Variants in FBXL17 observed in about 807,000 individuals in gnomAD.
The protein encoded by FBXL17 is F-box and leucine rich repeat protein 17, also known as F-box/LRR-repeat protein 17.
In FBXL17, 22 loss-of-function variants were observed where a neutral mutation model predicts 66.2. The observed-to-expected ratio is 0.33, with a 90% confidence interval of 0.24 to 0.47. The LOEUF is 0.47. Ranked by LOEUF, FBXL17 falls within the 20% of genes least tolerant of loss-of-function variation. The pLI, the probability that FBXL17 is intolerant of heterozygous loss-of-function variation, is 1.00. For synonymous variants in FBXL17, 474 were observed against 400.5 expected (o/e 1.18, Z -2.19); for missense variants, 878 against 948.2 (o/e 0.93, Z 0.97).
At chr5:108,061,096 G>A (rs1044023108) in intron 6 of FBXL17, among the ~76,000 whole-genome samples, 4 of 152,146 alleles carry the variant, frequency 2.6e-5, no homozygotes, top group Admixed American at 2.6e-4. Context: ...AGGCCAGCCT[G>A]ATCAACATGG....
At chr5:108,093,091 C>A (rs192647448) in intron 6 of FBXL17, among the ~76,000 whole-genome samples, 75 of 152,046 alleles carry the variant, frequency 4.9e-4, no homozygotes, top group Non-Finnish European at 1.0e-4. Context: ...ACCACTCTAT[C>A]CCTCCCCCCA....
intron 4 of FBXL17, among the ~76,000 whole-genome samples, chr5:108,251,692 C>T (rs536207797): frequency 1.3e-5 from 2 of 152,146 alleles, no homozygotes; most frequent in East Asian, 3.9e-4. Flanking sequence ...AGACAATTTG[C>T]TACCCTGTTA....
intron 7 of FBXL17, among the ~76,000 whole-genome samples, chr5:107,983,342 C>A (rs1349723378): frequency 1.3e-5 from 2 of 152,086 alleles, no homozygotes; most frequent in Non-Finnish European, 2.9e-5. Flanking sequence ...CAGGCACGCG[C>A]CACTATGCCC....
chr5:108,301,500 A>C (rs536896869), intron 4 of FBXL17, among the ~76,000 whole-genome samples: 1 of 151,754 alleles, frequency 6.6e-6, no homozygotes, highest in Non-Finnish European at 1.5e-5. Flanking sequence ...TCTAATGGGG[A>C]AAAAAAGTAA....
chr5:108,179,740 T>A (rs920429650), intron 6 of FBXL17, among the ~76,000 whole-genome samples: 1 of 152,200 alleles, frequency 6.6e-6, no homozygotes, highest in Admixed American at 6.5e-5. Context: ...TCTGTCTCCG[T>A]CTATAACTTC....
chr5:108,292,276 C>T (rs1175580744), intron 4 of FBXL17, among the ~76,000 whole-genome samples: 5 of 152,030 alleles, frequency 3.3e-5, no homozygotes, highest in Non-Finnish European at 5.9e-5. Context: ...CACACACCAC[C>T]ACGCCCAGCT....
At chr5:108,288,809 GGAGA>G (rs574849521) in intron 4 of FBXL17, among the ~76,000 whole-genome samples, 15 of 151,966 alleles carry the variant, frequency 9.9e-5, no homozygotes, top group African/African-American at 3.1e-4. Flanking sequence ...GACTAAAAAT[GGAGA>G]GAGAGGTATC....
At chr5:108,255,883 C>T (rs1389365821) in intron 4 of FBXL17, among the ~76,000 whole-genome samples, 1 of 152,094 alleles carries the variant, frequency 6.6e-6, no homozygotes. Flanking sequence ...ACCTGGGATT[C>T]GACTTAGGTG....
intron 7 of FBXL17, 120 bp downstream of exon 7, chr5:108,020,805 T>G: frequency 1.5e-6 from 1 of 680,648 alleles, no homozygotes; most frequent in Non-Finnish European, 2.5e-6. Flanking sequence ...ATGGTCACAA[T>G]GAGCATAAGT....
chr5:107,970,611 T>C (rs923714954), intron 7 of FBXL17, among the ~76,000 whole-genome samples: 10 of 152,228 alleles, frequency 6.6e-5, no homozygotes, highest in Non-Finnish European at 1.0e-4. Flanking sequence ...TGCTCCTGCA[T>C]GCATGGCTCT....
chr5:108,381,302 AGCGGCG>A lies in FBXL17; in HGVS notation c.384_389del (p.Ala131_Ala132del), dbSNP rs754351405. 22 of 1,400,854 alleles carry A rather than the reference AGCGGCG, an allele frequency of 1.6e-5. No individual in the cohort carries two copies. In the Admixed American group the frequency reaches 2.8e-4, roughly 18 times the overall value. The allele number at this position is 1,400,854 out of a possible 1,614,324, so 86.8% of individuals were successfully genotyped here. Reference sequence around the variant, plus strand: ...AGGCGGGCGACGAAGCCGAGGCGGCAGCGGCGGCGGCGGCGGCGGCCGAGGATAGCA... The same window carrying A: ...AGGCGGGCGACGAAGCCGAGGCGGCAGCGGCGGCGGCGGCCGAGGATAGCA... On this transcript the variant is annotated inframe_deletion, in exon 1 of 9. Transcript: ENST00000542267.
intron 6 of FBXL17, among the ~76,000 whole-genome samples, chr5:108,149,979 C>A (rs1751703882): frequency 6.6e-6 from 1 of 152,006 alleles, no homozygotes; most frequent in Admixed American, 6.6e-5. Flanking sequence ...TTCAAACATA[C>A]TAAAAAAAGA....
chr5:107,884,690 C>T (rs1748904188), intron 7 of FBXL17, among the ~76,000 whole-genome samples: 1 of 152,172 alleles, frequency 6.6e-6, no homozygotes, highest in African/African-American at 2.4e-5. Context: ...CGGTTCTAGC[C>T]TTACTACCTA....
intron 6 of FBXL17, among the ~76,000 whole-genome samples, chr5:108,077,333 T>C (rs1166997404): frequency 6.6e-6 from 1 of 152,196 alleles, no homozygotes; most frequent in African/African-American, 2.4e-5. Context: ...TTTTCTCTGG[T>C]AGAAATGGGG....
chr5:107,918,703 A>G (rs908853800), intron 7 of FBXL17, among the ~76,000 whole-genome samples: 3 of 152,228 alleles, frequency 2.0e-5, no homozygotes, highest in African/African-American at 4.8e-5. Context: ...TGTAAATGAC[A>G]TAAATAAAAT....
chr5:108,189,222 G>C (rs1202206829), intron 5 of FBXL17, among the ~76,000 whole-genome samples: 3 of 149,934 alleles, frequency 2.0e-5, no homozygotes, highest in Non-Finnish European at 3.0e-5. Context: ...ATCTCAACTG[G>C]GGCTGTATTT....
chr5:108,127,436 G>C (rs1385865152), intron 6 of FBXL17, among the ~76,000 whole-genome samples: 3 of 152,156 alleles, frequency 2.0e-5, no homozygotes, highest in African/African-American at 7.2e-5. Context: ...ATTACCATTA[G>C]TGCTCTTCTC....
At chr5:108,329,766 A>G (rs1760031794) in intron 4 of FBXL17, among the ~76,000 whole-genome samples, 1 of 152,174 alleles carries the variant, frequency 6.6e-6, no homozygotes, top group Non-Finnish European at 1.5e-5. Context: ...CATTAGTAAA[A>G]TAAGTATTAC....
intron 6 of FBXL17, among the ~76,000 whole-genome samples, chr5:108,072,569 G>A (rs941697267): frequency 1.2e-4 from 18 of 152,182 alleles, no homozygotes; most frequent in Non-Finnish European, 2.1e-4. Flanking sequence ...TTAGCCGGGC[G>A]TGGTGGCGGG....
Sources: gnomAD v4.1 joint callset for allele counts (sites outside exome capture counted in the v4.1 genomes callset) on GRCh38, gnomAD v4.1.1 for gene constraint, MANE v1.5 for transcripts, NCBI Gene and HGNC (gene_info 2026-07-23, HGNC 2026-07-21) for gene names.